The following SGF29 variants were observed in gnomAD, a reference collection of about 807,000 sequenced individuals.
The protein encoded by SGF29 is SAGA complex associated factor 29, also known as SAGA-associated factor 29.
A neutral mutation model predicts 38.1 loss-of-function variants in SGF29; 15 were observed. The ratio of observed to expected loss-of-function variants is 0.39; its 90% CI spans 0.26 to 0.61. The LOEUF (loss-of-function observed/expected upper bound fraction) is 0.61. Among genes scored for constraint, SGF29 ranks in the 20% least tolerant of loss-of-function variants. The pLI, the probability that SGF29 is intolerant of heterozygous loss-of-function variation, is 0.49. For missense variants in SGF29, 184 were observed against 394.6 expected (o/e 0.47, Z 4.52); for synonymous variants, 151 against 160.8 (o/e 0.94, Z 0.46).
chr16:28,586,022 T>C (rs2046954449), intron 4 of SGF29, among the ~76,000 whole-genome samples: 1 of 152,230 alleles, frequency 6.6e-6, no homozygotes, highest in South Asian at 2.1e-4. Context: ...CTCAGATCTG[T>C]AATCACAACA....
At position 28,587,940 on chromosome 16, in the gene SGF29, T is replaced by C. The variant is rs554477349; in HGVS notation, c.225-1160T>C. Among the ~76,000 whole-genome samples the C allele has an allele frequency of 3.3e-5, 5 of 152,000 alleles. No homozygotes were observed. In the South Asian group the frequency reaches 8.3e-4, roughly 25 times the overall value. On this transcript the variant is annotated intron_variant, in intron 4 of 9. Transcript: ENST00000317058. ...TCAGCCTCCCAAGTAGCTGGGATTATAGACGCCCGCCACCACGCCGGGCTA... is the reference window on the plus strand; with the variant it reads ...TCAGCCTCCCAAGTAGCTGGGATTACAGACGCCCGCCACCACGCCGGGCTA...
intron 1 of SGF29, among the ~76,000 whole-genome samples, chr16:28,564,631 ATACG>A (rs1356512642): frequency 8.6e-4 from 109 of 126,412 alleles, no homozygotes; most frequent in African/African-American, 3.2e-3. Context: ...ATGCATATAT[ATACG>A]TATATATGTG....
At chr16:28,589,238 T>A (rs576595367) in intron 5 of SGF29, 74 bp downstream of exon 5, 2 of 1,519,886 alleles carry the variant, frequency 1.3e-6, no homozygotes, top group East Asian at 4.5e-5. Context: ...GCAGTCACCC[T>A]CCTGTGGGGG....
chr16:28,579,212 A>G (rs1440734198), intron 1 of SGF29, among the ~76,000 whole-genome samples: 3 of 147,066 alleles, frequency 2.0e-5, no homozygotes, highest in African/African-American at 7.6e-5. Context: ...TGTAACTTAC[A>G]CTCTTGATTA....
At chr16:28,554,146 C>T (rs987334006) in intron 1 of SGF29, 49 bp downstream of exon 1, 10 of 152,302 alleles carry the variant, frequency 6.6e-5, no homozygotes, top group African/African-American at 2.4e-4. Flanking sequence ...AACGCGGGAG[C>T]GAAGGGCTGA....
At chr16:28,554,677 C>T (rs1292755679) in intron 1 of SGF29, among the ~76,000 whole-genome samples, 1 of 152,108 alleles carries the variant, frequency 6.6e-6, no homozygotes, top group Non-Finnish European at 1.5e-5. Flanking sequence ...GTTACCTCCT[C>T]CTCGGCTCCG....
chr16:28,587,927 G>A (rs1483398690), intron 4 of SGF29, among the ~76,000 whole-genome samples: 1 of 152,088 alleles, frequency 6.6e-6, no homozygotes, highest in Non-Finnish European at 1.5e-5. Flanking sequence ...AGCCTCCCAA[G>A]TAGCTGGGAT....
chr16:28,557,624 G>C (rs2046760497), intron 1 of SGF29, among the ~76,000 whole-genome samples: 1 of 152,184 alleles, frequency 6.6e-6, no homozygotes, highest in Admixed American at 6.6e-5. Flanking sequence ...CTTGTGACTG[G>C]CATTGAGAAT....
At chr16:28,575,204 C>G (rs1379175808) in intron 1 of SGF29, among the ~76,000 whole-genome samples, 1 of 152,156 alleles carries the variant, frequency 6.6e-6, no homozygotes, top group African/African-American at 2.4e-5. Flanking sequence ...AGCTTCTGTT[C>G]CTAGGTCTCT....
rs769905203 is a variant in SGF29, at chr16:28,590,266, G to T, written c.420-30G>T. 2 of 1,608,252 alleles carry T rather than the reference G, an allele frequency of 1.2e-6. No homozygotes were observed. Among genetic ancestry groups the T allele is most frequent in the Non-Finnish European group, 8.5e-7 (1 of 1,177,644 alleles). On this transcript the variant is annotated intron_variant, in intron 6 of 9. Coordinates refer to ENST00000317058, the MANE Select transcript of SGF29 (RefSeq NM_138414.3). The surrounding 1 kb of genome is among the most constrained non-coding windows in gnomAD (Gnocchi z 8.2). Reference sequence around the variant, plus strand: ...GCGAGGGAGGGGCTGGTGCCCAGGGGCTGGGACTGACCCTTTGTTCCACTC... The same window carrying T: ...GCGAGGGAGGGGCTGGTGCCCAGGGTCTGGGACTGACCCTTTGTTCCACTC...
Position 28,590,492 on chromosome 16 carries a change from G to T in SGF29, c.566+50G>T. ...GCTCTCTGGTCACCGAACTTGCCTG[G>T]GCTACGGGAGAAAAGCTCTGCAGAG... On this transcript the variant is annotated intron_variant, in intron 7 of 9. Transcript: ENST00000317058. The surrounding 1 kb of genome is among the most constrained non-coding windows in gnomAD (Gnocchi z 8.2). 1 of 1,613,712 alleles carries T rather than the reference G, an allele frequency of 6.2e-7. No homozygotes were observed. Among genetic ancestry groups the T allele is most frequent in the Non-Finnish European group, 8.5e-7 (1 of 1,179,822 alleles).
rs748949795 is a variant in SGF29 at position 28,590,979 on chromosome 16, C to T, written c.765+44C>T. On this transcript the variant is annotated intron_variant, in intron 9 of 9. Coordinates refer to ENST00000317058, the MANE Select transcript of SGF29 (RefSeq NM_138414.3). The surrounding 1 kb of genome is among the most constrained non-coding windows in gnomAD (Gnocchi z 8.2). ...GAGAGGCCATGGGTGATGTCAGGAACAGGCTGATCAGACAGACGAGGGGTC... is the reference window on the plus strand; with the variant it reads ...GAGAGGCCATGGGTGATGTCAGGAATAGGCTGATCAGACAGACGAGGGGTC... 11 of 1,549,342 alleles carry T rather than the reference C, an allele frequency of 7.1e-6. No homozygotes were observed. The Admixed American group carries it at 1.7e-4, about 24-fold the overall frequency.
At chr16:28,582,237 A>G (rs1439812910) in intron 2 of SGF29, among the ~76,000 whole-genome samples, 1 of 152,230 alleles carries the variant, frequency 6.6e-6, no homozygotes, top group Non-Finnish European at 1.5e-5. Context: ...CGTGCTGTGT[A>G]TTCCAACTGT....
chr16:28,564,708 C>CATATATACGTATATATGT (rs2046821021), intron 1 of SGF29, among the ~76,000 whole-genome samples: 2 of 50,244 alleles, frequency 4.0e-5, no homozygotes, highest in African/African-American at 1.1e-4. Context: ...TATATATATA[C>CATATATACGTATATATGT]ATATATATGT....
chr16:28,587,284 G>A (rs895044622), intron 4 of SGF29, among the ~76,000 whole-genome samples: 2 of 152,242 alleles, frequency 1.3e-5, no homozygotes, highest in Admixed American at 6.5e-5. Flanking sequence ...TCCCCCAGGA[G>A]ATTCTGATGC....
intron 2 of SGF29, among the ~76,000 whole-genome samples, chr16:28,584,691 A>G (rs1390707827): frequency 6.7e-6 from 1 of 150,290 alleles, no homozygotes; most frequent in Admixed American, 6.7e-5. Flanking sequence ...CGGGAGGCTG[A>G]GGCAGGAGAA....
At chr16:28,580,964 G>A (rs2046921458) in intron 1 of SGF29, 91 bp from the exon 2 acceptor site, 1 of 947,826 alleles carries the variant, frequency 1.1e-6, no homozygotes, top group East Asian at 2.6e-5. Context: ...TACAGCATGA[G>A]CCTCCAGGCC....
Position 28,590,524 on chromosome 16 carries a change from C to T in SGF29, c.566+82C>T, listed in dbSNP as rs1397192095. The T allele has an allele frequency of 3.7e-6, 6 of 1,612,630 alleles. No individual in the cohort carries two copies. Among genetic ancestry groups the T allele is most frequent in the African/African-American group, 1.3e-5 (1 of 74,898 alleles). ...GGAGAAAAGCTCTGCAGAGGGTGCT[C>T]CCCAGAGGCTGGTTGTGCAGGGAGC... On this transcript the variant is annotated intron_variant, in intron 7 of 9. Transcript: ENST00000317058. The surrounding 1 kb of genome is among the most constrained non-coding windows in gnomAD (Gnocchi z 8.2).
intron 1 of SGF29, among the ~76,000 whole-genome samples, chr16:28,574,917 A>G (rs1441287400): frequency 6.6e-6 from 1 of 152,180 alleles, no homozygotes; most frequent in Non-Finnish European, 1.5e-5. Context: ...AGGGAGACTA[A>G]AGCAACTTCA....
Sources: allele counts gnomAD v4.1 joint callset (sites outside exome capture counted in the v4.1 genomes callset), GRCh38; gene constraint gnomAD v4.1.1; non-coding constraint Gnocchi (gnomAD v3.1); transcripts MANE v1.5; gene names NCBI Gene and HGNC (gene_info 2026-07-23, HGNC 2026-07-21).